The following RPL26L1 variants were observed in gnomAD, a reference collection of about 807,000 sequenced individuals.
The protein encoded by RPL26L1 is ribosomal protein L26 like 1, also known as ribosomal protein uL24-like.
Under a neutral mutation model 15.2 loss-of-function variants are expected in RPL26L1, and 8 were observed. That is an observed-to-expected ratio of 0.53 (90% CI 0.31 to 0.95). The LOEUF (loss-of-function observed/expected upper bound fraction) is 0.95, where lower values mean the gene tolerates loss of function less well. Among genes scored for constraint, RPL26L1 ranks in the 40% least tolerant of loss-of-function variants. The pLI is 0.05. For synonymous variants in RPL26L1, 51 were observed against 65.9 expected, an observed-to-expected ratio of 0.77 and a Z score of 1.09; for missense variants, 146 against 190.9, an observed-to-expected ratio of 0.76 and a Z score of 1.39.
upstream of RPL26L1, chr5:172,957,468 G>A (rs1225229420): frequency 2.9e-6 from 1 of 341,348 alleles, no homozygotes; most frequent in African/African-American, 2.2e-5. Flanking sequence ...CTCCTCCCCA[G>A]ATCTCTTTAA....
chr5:172,957,332 C>CAA, upstream of RPL26L1: 1 of 452,776 alleles, frequency 2.2e-6, no homozygotes, highest in Non-Finnish European at 4.4e-6. Context: ...AAAAACAAAA[C>CAA]AAAACAAAGC....
chr5:172,956,775 T>G (rs569666947), upstream of RPL26L1, among the ~76,000 whole-genome samples: 87 of 151,952 alleles, frequency 5.7e-4, no homozygotes, highest in South Asian at 0.017. Flanking sequence ...CTGTCTCTAC[T>G]AAAAATACAA....
At chr5:172,964,214 A>G (rs978351744) in intron 2 of RPL26L1, among the ~76,000 whole-genome samples, 9 of 150,564 alleles carry the variant, frequency 6.0e-5, no homozygotes, top group Admixed American at 4.0e-4. Flanking sequence ...GCTTCAAGCA[A>G]TCCTTCTGCC....
intron 2 of RPL26L1, 31 bp from the exon 3 acceptor site, chr5:172,968,428 G>C: frequency 6.2e-7 from 1 of 1,609,752 alleles, no homozygotes; most frequent in Non-Finnish European, 8.5e-7. Context: ...ACTACAAATG[G>C]AGGGGGATTC....
intron 2 of RPL26L1, among the ~76,000 whole-genome samples, chr5:172,963,533 C>T (rs574792944): frequency 1.4e-4 from 21 of 152,266 alleles, no homozygotes; most frequent in Admixed American, 5.2e-4. Flanking sequence ...TCTTTTCTCC[C>T]GCTGGAATGT....
intron 2 of RPL26L1, among the ~76,000 whole-genome samples, chr5:172,964,820 G>A (rs550897335): frequency 6.6e-6 from 1 of 152,138 alleles, no homozygotes; most frequent in Non-Finnish European, 1.5e-5. Context: ...TTCAGAAATC[G>A]TGGCTCCACA....
chr5:172,967,006 C>T (rs1288213492), intron 2 of RPL26L1, among the ~76,000 whole-genome samples: 2 of 151,914 alleles, frequency 1.3e-5, no homozygotes, highest in Non-Finnish European at 2.9e-5. Context: ...CAGGCGCCCA[C>T]CACCACGCCC....
chr5:172,963,676 T>G (rs1755336362), intron 2 of RPL26L1, among the ~76,000 whole-genome samples: 1 of 152,250 alleles, frequency 6.6e-6, no homozygotes, highest in Non-Finnish European at 1.5e-5. Flanking sequence ...CCTAGCATTC[T>G]TTATTTTTTC....
At chr5:172,955,301 G>T (rs564814960), upstream of RPL26L1, 5 of 281,214 alleles carry the variant, frequency 1.8e-5, no homozygotes, top group African/African-American at 4.4e-5. Context: ...GCTAATTTTT[G>T]TATTTTTAGG....
chr5:172,956,967 C>T, upstream of RPL26L1: 1 of 257,844 alleles, frequency 3.9e-6, no homozygotes, highest in South Asian at 3.6e-5. Flanking sequence ...GACACCAAAC[C>T]AATGAGGTAA....
chr5:172,954,640 G>C (rs1764315183), upstream of RPL26L1: 1 of 257,942 alleles, frequency 3.9e-6, no homozygotes, highest in South Asian at 4.1e-5. Context: ...TGGAGAGGGA[G>C]AGAGACAGAG....
At chr5:172,967,814 A>G (rs1755515432) in intron 2 of RPL26L1, among the ~76,000 whole-genome samples, 1 of 150,992 alleles carries the variant, frequency 6.6e-6, no homozygotes, top group African/African-American at 2.4e-5. Flanking sequence ...ATGACATATA[A>G]GTACATATAT....
upstream of RPL26L1, chr5:172,958,838 T>TGCGAGGGGCGGGGTCTAGGA (rs1755092103): frequency 8.7e-6 from 1 of 114,788 alleles, no homozygotes; most frequent in South Asian, 2.3e-4. Flanking sequence ...GGGGACTGGA[T>TGCGAGGGGCGGGGTCTAGGA]GAGAGGGGCG....
At chr5:172,967,830 T>C (rs72814132) in intron 2 of RPL26L1, among the ~76,000 whole-genome samples, 2,350 of 150,086 alleles carry the variant, frequency 0.016, 24 homozygotes, top group Non-Finnish European at 0.022. Flanking sequence ...TATATGTATG[T>C]ATGACATATA....
At position 172,968,361 on chromosome 5, in the gene RPL26L1, A is replaced by G. The variant is rs1755550064; in HGVS notation, c.169-98A>G. 6 of 1,455,202 alleles carry G rather than the reference A, an allele frequency of 4.1e-6. No homozygotes were observed. In the South Asian group the frequency reaches 6.6e-5, roughly 16 times the overall value. The allele number at this position is 1,455,202 out of a possible 1,614,324, so 90.1% of individuals were successfully genotyped here. ...TGCCAGGATTAAGCTGCTTTTGACA[A>G]AGTTATATGTTTAGCCCATGTGTTC... is the stretch of plus-strand genomic sequence containing the variant. On this transcript the variant is annotated intron_variant, in intron 2 of 3. Coordinates refer to ENST00000265100, the MANE Select transcript of RPL26L1 (RefSeq NM_016093.4).
chr5:172,965,652 G>GTCC (rs1267361946), intron 2 of RPL26L1, among the ~76,000 whole-genome samples: 2 of 152,186 alleles, frequency 1.3e-5, no homozygotes, highest in Admixed American at 6.6e-5. Context: ...CTTGGCTGCT[G>GTCC]TAACACCACA....
In RPL26L1 at chr5:172,959,441, C is replaced by T. The variant is rs560181665; in HGVS notation, c.-37C>T. 31 of 1,000,786 alleles carry T rather than the reference C, an allele frequency of 3.1e-5. 1 individual carries two copies. In the African/African-American group the frequency reaches 4.5e-4, roughly 14 times the overall value. The allele number at this position is 1,000,786 out of a possible 1,614,324, so 62.0% of individuals were successfully genotyped here. A position where few individuals can be genotyped will look rare whatever the true frequency, so the allele number is the denominator to read the frequency against. ...GGAAACTCACTTCCGGCCCTGCGCA[C>T]TCAGGGTCTGAGGCAGCTAGTAGCC... is the stretch of plus-strand genomic sequence containing the variant. On this transcript the variant is annotated 5_prime_UTR_variant, in exon 1 of 4. Coordinates refer to ENST00000265100, the MANE Select transcript of RPL26L1 (RefSeq NM_016093.4).
At chr5:172,959,811 G>A in intron 1 of RPL26L1, 54 bp from the exon 2 acceptor site, 2 of 1,574,064 alleles carry the variant, frequency 1.3e-6, no homozygotes, top group Non-Finnish European at 1.7e-6. Context: ...TCGAGAACAG[G>A]CCCCTGTAAC....
At chr5:172,958,168 G>A, upstream of RPL26L1, 2 of 351,616 alleles carry the variant, frequency 5.7e-6, no homozygotes, top group South Asian at 2.2e-5. Context: ...GGAGGCTGAG[G>A]CAGGAGAATC....
Sources: allele counts gnomAD v4.1 joint callset (sites outside exome capture counted in the v4.1 genomes callset), GRCh38; gene constraint gnomAD v4.1.1; transcripts MANE v1.5; gene names NCBI Gene and HGNC (gene_info 2026-07-23, HGNC 2026-07-21).